APTX: variants seen among roughly 807,000 people sequenced by gnomAD.
APTX encodes the protein aprataxin, also known as forkhead-associated domain histidine triad-like protein.
In APTX, 33 loss-of-function variants were observed where a neutral mutation model predicts 42.3. That is an observed-to-expected ratio of 0.78 (90% CI 0.59 to 1.04). The LOEUF is 1.04. APTX is among the 50% of genes least tolerant of loss of function. The pLI is 0.00. For synonymous variants in APTX, 130 were observed against 146.7 expected, an observed-to-expected ratio of 0.89 and a Z score of 0.82; for missense variants, 421 against 415.1, an observed-to-expected ratio of 1.01 and a Z score of -0.12.
At chr9:33,023,882 C>T (rs922470322) in intron 1 of APTX, among the ~76,000 whole-genome samples, 2 of 152,226 alleles carry the variant, frequency 1.3e-5, no homozygotes, top group Non-Finnish European at 2.9e-5. Context: ...GCCTCACCTC[C>T]GGCTATTCTA....
At position 32,974,680 on chromosome 9, in the gene APTX, T is replaced by C. The variant is rs147397654; in HGVS notation, c.771-119A>G. 1.3e-3 allele frequency: 912 copies of C among 680,876 alleles called. 6 individuals are homozygous for C. The African/African-American group carries it at 0.014, about 11-fold the overall frequency. 42.2% of individuals were successfully genotyped at this position (680,876 alleles called of 1,614,324 possible). A position where few individuals can be genotyped will look rare whatever the true frequency, so the allele number is the denominator to read the frequency against. On this transcript the variant is annotated intron_variant, in intron 6 of 7. Coordinates refer to ENST00000379817, the MANE Select transcript of APTX (RefSeq NM_001195248.2). Reference sequence around the variant, plus strand: ...CTATTGAATACTCTTTGAATATTCATACTATTGAAGTGATAGTGTGTCCAT... The same window carrying C: ...CTATTGAATACTCTTTGAATATTCACACTATTGAAGTGATAGTGTGTCCAT...
chr9:33,001,411 G>C (rs1563992094), intron 1 of APTX, 156 bp downstream of exon 1: 2 of 1,537,130 alleles, frequency 1.3e-6, no homozygotes, highest in South Asian at 2.4e-5. Context: ...GCCCAAGGTA[G>C]TAACAGGGGA....
At chr9:33,013,695 T>C (rs1837699786) in intron 1 of APTX, among the ~76,000 whole-genome samples, 1 of 152,178 alleles carries the variant, frequency 6.6e-6, no homozygotes, top group African/African-American at 2.4e-5. Flanking sequence ...TAGTCACAGC[T>C]ACTCAGGAGG....
In APTX at chr9:32,986,032, T is replaced by TAAAAAAAAACA. The variant is rs1554664711; in HGVS notation, c.484-3_484-2insTGTTTTTTTTT. ...TTGACTCCAGTGGCCCAGGGATTCC[T>TAAAAAAAAACA]AAAAAAAAAACAAAAAAAAAAACAA... On this transcript the variant is annotated splice_polypyrimidine_tract_variant and splice_region_variant and intron_variant, in intron 4 of 7. Transcript: ENST00000379817. 425 of 733,098 alleles carry TAAAAAAAAACA rather than the reference T, an allele frequency of 5.8e-4. 3 individuals are homozygous for TAAAAAAAAACA. Among genetic ancestry groups the TAAAAAAAAACA allele is most frequent in the East Asian group, 1.9e-3 (48 of 24,908 alleles). 45.4% of individuals were successfully genotyped at this position (733,098 alleles called of 1,614,324 possible).
intron 6 of APTX, among the ~76,000 whole-genome samples, chr9:32,981,259 A>T (rs922295186): frequency 6.6e-6 from 1 of 152,236 alleles, no homozygotes; most frequent in African/African-American, 2.4e-5. Context: ...TATTGTAACT[A>T]ATGAGAGCCA....
intron 6 of APTX, 148 bp downstream of exon 6, chr9:32,984,483 G>C: frequency 2.7e-6 from 2 of 746,662 alleles, no homozygotes; most frequent in South Asian, 3.1e-5. Context: ...CAGGCAGAGA[G>C]GTGGAAGCTT....
chr9:32,995,385 G>A (rs1393065997), intron 1 of APTX, among the ~76,000 whole-genome samples: 1 of 152,154 alleles, frequency 6.6e-6, no homozygotes, highest in Non-Finnish European at 1.5e-5. Flanking sequence ...ACTTTCAGGG[G>A]TTCAAGACTT....
chr9:32,984,784 G>A lies in APTX; in HGVS notation c.617C>T (p.Pro206Leu), dbSNP rs121908131. 16 of 1,614,054 alleles carry A rather than the reference G, an allele frequency of 9.9e-6. No individual in the cohort carries two copies. The highest frequency in any genetic ancestry group is 1.6e-4 in the Middle Eastern group (1 of 6,084). Residue 206 changes from proline to leucine, a missense_variant, in exon 6 of 8, where the codon CCG (proline) becomes CTG (leucine). Coordinates refer to ENST00000379817, the MANE Select transcript of APTX (RefSeq NM_001195248.2). ...PKARYHWLVL[P>L]WTSISSLKAV... ...CTTCAGACTGGAAATGGAGGTCCACGGTAAGACCAGCCAATGGTAACGGGC... is the reference window on the plus strand; with the variant it reads ...CTTCAGACTGGAAATGGAGGTCCACAGTAAGACCAGCCAATGGTAACGGGC...
At chr9:32,990,511 CAT>C (rs1833345093) in intron 1 of APTX, among the ~76,000 whole-genome samples, 1 of 152,150 alleles carries the variant, frequency 6.6e-6, no homozygotes, top group African/African-American at 2.4e-5. Flanking sequence ...CATTAGGCTA[CAT>C]ATTGAAAGTC....
At chr9:33,000,625 CA>C (rs60760701) in intron 1 of APTX, among the ~76,000 whole-genome samples, 3,059 of 63,496 alleles carry the variant, frequency 0.048, 35 homozygotes, top group African/African-American at 0.14. Context: ...GACTCTGTCT[CA>C]AAAAAAAAAA....
chr9:32,983,454 A>G (rs1363067877), intron 6 of APTX, among the ~76,000 whole-genome samples: 2 of 152,230 alleles, frequency 1.3e-5, no homozygotes, highest in South Asian at 2.1e-4. Context: ...AAAAGATTAT[A>G]CACGCTTATG....
At position 32,976,695 on chromosome 9, in the gene APTX, G is replaced by A. The variant is rs925718124; in HGVS notation, c.771-2134C>T. ...TCAGAAGCTTTCACTCTTGAAAAGC[G>A]TCCTAAACTAAAACAGTGTTCTTCT... On this transcript the variant is annotated intron_variant, in intron 6 of 7. Coordinates refer to ENST00000379817, the MANE Select transcript of APTX (RefSeq NM_001195248.2). Among the ~76,000 whole-genome samples, 52 of 152,240 alleles carry A rather than the reference G, an allele frequency of 3.4e-4. No individual in the cohort carries two copies. In the East Asian group the frequency reaches 6.0e-3, roughly 18 times the overall value.
Position 32,973,495 on chromosome 9 carries a change from G to A in APTX, c.*3C>T. ...CCACAGCAGCAGCTCAGGCTCTGCA[G>A]AATCACTGTGTCCAGTGCTTCCTGA... On this transcript the variant is annotated 3_prime_UTR_variant, in exon 8 of 8. Transcript: ENST00000379817. The A allele has an allele frequency of 6.2e-7, 1 of 1,614,010 alleles. No homozygotes were observed. Among genetic ancestry groups the A allele is most frequent in the African/African-American group, 1.3e-5 (1 of 75,036 alleles).
In APTX at chr9:32,986,032, T is replaced by TAAAAAAAAAAAAAAAAAAAAAAAAAA; in HGVS notation, c.484-3_484-2insTTTTTTTTTTTTTTTTTTTTTTTTTT. On this transcript the variant is annotated splice_polypyrimidine_tract_variant and splice_region_variant and intron_variant, in intron 4 of 7. Transcript: ENST00000379817. Reference sequence around the variant, plus strand: ...TTGACTCCAGTGGCCCAGGGATTCCTAAAAAAAAAACAAAAAAAAAAACAA... The same window carrying TAAAAAAAAAAAAAAAAAAAAAAAAAA: ...TTGACTCCAGTGGCCCAGGGATTCCTAAAAAAAAAAAAAAAAAAAAAAAAAAAAAAAAAAAACAAAAAAAAAAACAA... 6.8e-6 allele frequency: 5 copies of TAAAAAAAAAAAAAAAAAAAAAAAAAA among 732,436 alleles called. No individual in the cohort carries two copies. Among genetic ancestry groups the TAAAAAAAAAAAAAAAAAAAAAAAAAA allele is most frequent in the African/African-American group, 9.9e-5 (2 of 20,180 alleles). The allele number at this position is 732,436 out of a possible 1,614,324, so 45.4% of individuals were successfully genotyped here. A position where few individuals can be genotyped will look rare whatever the true frequency, so the allele number is the denominator to read the frequency against.
intron 1 of APTX, among the ~76,000 whole-genome samples, chr9:32,990,461 T>A (rs924506551): frequency 3.9e-5 from 6 of 152,088 alleles, no homozygotes; most frequent in African/African-American, 1.4e-4. Flanking sequence ...GCATAAGCCA[T>A]CACACCTGGC....
At position 32,973,400 on chromosome 9, in the gene APTX, AT is replaced by A; in HGVS notation, c.*97del. ...ATTTGTGAAAAAGCTGCATGTTTTA[AT>A]TTAGGAAATGAGTAGAAGTTCACAA... On this transcript the variant is annotated 3_prime_UTR_variant, in exon 8 of 8. Transcript: ENST00000379817. 5 of 1,386,166 alleles carry A rather than the reference AT, an allele frequency of 3.6e-6. No homozygotes were observed. The highest frequency in any genetic ancestry group is 5.1e-6 in the Non-Finnish European group (5 of 976,892). 85.9% of individuals were successfully genotyped at this position (1,386,166 alleles called of 1,614,324 possible).
At chr9:32,977,522 T>A (rs1476453173) in intron 6 of APTX, among the ~76,000 whole-genome samples, 1 of 148,712 alleles carries the variant, frequency 6.7e-6, no homozygotes, top group African/African-American at 2.5e-5. Flanking sequence ...AATAAAAAAA[T>A]TCATTTATAA....
At chr9:33,022,242 A>G (rs10971341) in intron 1 of APTX, among the ~76,000 whole-genome samples, 6,045 of 152,336 alleles carry the variant, frequency 0.04, 151 homozygotes, top group East Asian at 0.11. Flanking sequence ...TATTATTAAA[A>G]TAGTGGAATT....
intron 5 of APTX, among the ~76,000 whole-genome samples, chr9:32,985,597 A>G (rs1015232532): frequency 3.3e-5 from 5 of 152,010 alleles, no homozygotes; most frequent in African/African-American, 1.2e-4. Flanking sequence ...CGGCCTCCCA[A>G]AGTGCTGGGA....
Sources: allele counts gnomAD v4.1 joint callset (sites outside exome capture counted in the v4.1 genomes callset), GRCh38; gene constraint gnomAD v4.1.1; transcripts MANE v1.5; gene names NCBI Gene and HGNC (gene_info 2026-07-23, HGNC 2026-07-21).